The following RIMBP2 variants were observed in gnomAD, a reference collection of about 807,000 sequenced individuals.
The protein encoded by RIMBP2 is RIMS-binding protein 2.
A neutral mutation model predicts 118.6 loss-of-function variants in RIMBP2; 48 were observed. The ratio of observed to expected loss-of-function variants is 0.40; its 90% CI spans 0.32 to 0.51. The LOEUF (loss-of-function observed/expected upper bound fraction) is 0.51. RIMBP2 is among the 20% of genes least tolerant of loss of function. The pLI, the probability that RIMBP2 is intolerant of heterozygous loss-of-function variation, is 0.41. For synonymous variants in RIMBP2, 762 were observed against 742.9 expected, an observed-to-expected ratio of 1.03 and a Z score of -0.42; for missense variants, 1,551 against 1,768.3, an observed-to-expected ratio of 0.88 and a Z score of 2.20.
intron 7 of RIMBP2, among the ~76,000 whole-genome samples, chr12:130,453,372 C>T (rs573533861): frequency 6.6e-6 from 1 of 152,400 alleles, no homozygotes; most frequent in South Asian, 2.1e-4. Flanking sequence ...CCACCCGGGA[C>T]CCCTTCTCTG....
intron 4 of RIMBP2, among the ~76,000 whole-genome samples, chr12:130,491,927 AG>A (rs2048684319): frequency 1.3e-5 from 2 of 152,240 alleles, no homozygotes; most frequent in African/African-American, 4.8e-5. Flanking sequence ...TACAAATGTC[AG>A]GGTGCCGCTA....
chr12:130,674,950 C>T (rs530900767), intron 1 of RIMBP2, among the ~76,000 whole-genome samples: 4 of 152,174 alleles, frequency 2.6e-5, no homozygotes, highest in Non-Finnish European at 5.9e-5. Flanking sequence ...CATTCCTTTT[C>T]GCGGCTGAAT....
At chr12:130,415,046 C>T (rs947645808) in intron 17 of RIMBP2, among the ~76,000 whole-genome samples, 37 of 152,180 alleles carry the variant, frequency 2.4e-4, no homozygotes, top group African/African-American at 8.9e-4. Flanking sequence ...CACCCTAACT[C>T]ATTCTATGAA....
intron 2 of RIMBP2, among the ~76,000 whole-genome samples, chr12:130,571,757 G>C (rs980630414): frequency 6.6e-6 from 1 of 152,198 alleles, no homozygotes; most frequent in Admixed American, 6.5e-5. Flanking sequence ...GGCCTCCAAG[G>C]CTGTTTGTAT....
rs943683811 is a variant in RIMBP2 at position 130,588,019 on chromosome 12, G to A, written c.-217+40303C>T. Among the ~76,000 whole-genome samples the A allele has an allele frequency of 5.3e-5, 8 of 151,638 alleles. No homozygotes were observed. In the South Asian group the frequency reaches 6.3e-4, roughly 12 times the overall value. ...CCTCATCCAGCAAGCCGGGGTCCTC[G>A]CCTCCCTCAGCATCTCAATCCCGTT... On this transcript the variant is annotated intron_variant, in intron 2 of 22. Transcript: ENST00000690449.
At chr12:130,699,780 C>T (rs1472863607) in intron 1 of RIMBP2, among the ~76,000 whole-genome samples, 4 of 151,280 alleles carry the variant, frequency 2.6e-5, no homozygotes, top group Non-Finnish European at 5.9e-5. Context: ...GTGGCAGGTG[C>T]CTGTAATCCC....
rs61934620 is a variant in RIMBP2, at chr12:130,586,236, C to T, written c.-217+42086G>A. Among the ~76,000 whole-genome samples the T allele has an allele frequency of 5.5e-3, 834 of 152,204 alleles. 2 individuals are homozygous for T. The highest frequency in any genetic ancestry group is 0.017 in the Middle Eastern group (5 of 294). Reference sequence around the variant, plus strand: ...TTGGGAGACCAAGGTGGGTGGATCACGAGGTCAGGAGTTCAAGACCAGCCT... The same window carrying T: ...TTGGGAGACCAAGGTGGGTGGATCATGAGGTCAGGAGTTCAAGACCAGCCT... On this transcript the variant is annotated intron_variant, in intron 2 of 22. Coordinates refer to ENST00000690449, the MANE Select transcript of RIMBP2 (RefSeq NM_001393629.1).
At chr12:130,507,176 T>G (rs897620485) in intron 3 of RIMBP2, among the ~76,000 whole-genome samples, 3 of 152,186 alleles carry the variant, frequency 2.0e-5, no homozygotes, top group African/African-American at 7.2e-5. Context: ...CCCACTGGAC[T>G]CGGAAAGTTA....
intron 2 of RIMBP2, among the ~76,000 whole-genome samples, chr12:130,626,636 C>T (rs1410836320): frequency 2.0e-5 from 3 of 151,578 alleles, no homozygotes; most frequent in African/African-American, 4.9e-5. Context: ...CCACTGGCAT[C>T]ACCACAATCT....
intron 1 of RIMBP2, among the ~76,000 whole-genome samples, chr12:130,674,669 G>A (rs1478230402): frequency 1.3e-5 from 2 of 152,150 alleles, no homozygotes; most frequent in African/African-American, 2.4e-5. Flanking sequence ...GTGGCATGGA[G>A]TGGCTTCACA....
chr12:130,609,242 C>A lies in RIMBP2; in HGVS notation c.-217+19080G>T, dbSNP rs190934124. Reference sequence around the variant, plus strand: ...CTGAGTCTGTCACAAAGCTGTCTGCCCCCCCACGTTTATACAGCACCATTC... The same window carrying A: ...CTGAGTCTGTCACAAAGCTGTCTGCACCCCCACGTTTATACAGCACCATTC... On this transcript the variant is annotated intron_variant, in intron 2 of 22. Transcript: ENST00000690449. Among the ~76,000 whole-genome samples the A allele has an allele frequency of 5.1e-3, 777 of 152,056 alleles. 2 individuals are homozygous for A. Among genetic ancestry groups the A allele is most frequent in the African/African-American group, 0.017 (720 of 41,440 alleles).
At chr12:130,399,529 C>CA in intron 22 of RIMBP2, 150 bp downstream of exon 22, 1 of 781,774 alleles carries the variant, frequency 1.3e-6, no homozygotes, top group Non-Finnish European at 2.0e-6. Context: ...TTTTTAGGTA[C>CA]AACTCCCATG....
At chr12:130,438,334 A>ATCCGGGGGGGCCCCCCCCCC in intron 12 of RIMBP2, 31 bp downstream of exon 12, 1 of 1,344,516 alleles carries the variant, frequency 7.4e-7, no homozygotes, top group Non-Finnish European at 1.1e-6. Flanking sequence ...GGGCCTAACA[A>ATCCGGGGGGGCCCCCCCCCC]ACCCTCCCCA....
At chr12:130,546,545 C>A (rs112239989) in intron 2 of RIMBP2, among the ~76,000 whole-genome samples, 1,606 of 152,312 alleles carry the variant, frequency 0.011, 27 homozygotes, top group African/African-American at 0.037. Flanking sequence ...ATCTGCCCAC[C>A]TCAGCCTCCC....
At chr12:130,477,979 C>T (rs1365562484) in intron 5 of RIMBP2, among the ~76,000 whole-genome samples, 1 of 152,200 alleles carries the variant, frequency 6.6e-6, no homozygotes, top group Non-Finnish European at 1.5e-5. Flanking sequence ...GAGATGAGAC[C>T]TGTTCACAGG....
intron 4 of RIMBP2, among the ~76,000 whole-genome samples, chr12:130,483,487 G>T (rs189376541): frequency 6.6e-6 from 1 of 152,344 alleles, no homozygotes; most frequent in Admixed American, 6.5e-5. Context: ...CAAAGGGGAT[G>T]GGAGCTGCAG....
chr12:130,566,230 A>AG (rs1210480274), intron 2 of RIMBP2, among the ~76,000 whole-genome samples: 1 of 152,144 alleles, frequency 6.6e-6, no homozygotes, highest in African/African-American at 2.4e-5. Flanking sequence ...TCTAAAACAT[A>AG]GCAGGTGTTT....
chr12:130,580,900 C>T (rs992776547), intron 2 of RIMBP2, among the ~76,000 whole-genome samples: 5 of 151,230 alleles, frequency 3.3e-5, no homozygotes, highest in Non-Finnish European at 5.9e-5. Context: ...AGAAACAGCC[C>T]GGGAGACAGA....
At chr12:130,412,585 G>A in intron 19 of RIMBP2, 34 bp downstream of exon 19, 1 of 1,597,016 alleles carries the variant, frequency 6.3e-7, no homozygotes, top group Non-Finnish European at 8.6e-7. Flanking sequence ...GGGATAAAAT[G>A]CACAGGGAAG....
Sources: gnomAD v4.1 joint callset for allele counts (sites outside exome capture counted in the v4.1 genomes callset) on GRCh38, gnomAD v4.1.1 for gene constraint, MANE v1.5 for transcripts, NCBI Gene and HGNC (gene_info 2026-07-23, HGNC 2026-07-21) for gene names.